ZPLD1: variants seen among roughly 807,000 people sequenced by gnomAD.
ZPLD1 encodes zona pellucida like domain containing 1.
ZPLD1 carries 34 observed loss-of-function variants against 47.2 expected under a neutral mutation model. That is an observed-to-expected ratio of 0.72 (90% CI 0.55 to 0.96). ZPLD1 has a LOEUF of 0.96. Among genes scored for constraint, ZPLD1 ranks in the 40% least tolerant of loss-of-function variants. ZPLD1 has a pLI of 0.00. For missense variants in ZPLD1, 512 were observed against 505.8 expected, an observed-to-expected ratio of 1.01 and a Z score of -0.12; for synonymous variants, 176 against 186.2, an observed-to-expected ratio of 0.95 and a Z score of 0.45.
At chr3:102,432,897 TA>T (rs1559749408), upstream of ZPLD1, among the ~76,000 whole-genome samples, 1 of 152,240 alleles carries the variant, frequency 6.6e-6, no homozygotes, top group Non-Finnish European at 1.5e-5. Flanking sequence ...GGGTTAGTTA[TA>T]TATCTCTGAC....
upstream of ZPLD1, among the ~76,000 whole-genome samples, chr3:102,433,148 C>T (rs1468402386): frequency 1.1e-4 from 17 of 152,166 alleles, no homozygotes; most frequent in Admixed American, 1.1e-3. Flanking sequence ...CACATATAAA[C>T]ATTCAATAAT....
Position 102,388,015 on chromosome 3 carries a change from C to A in ZPLD1, c.-213+2698C>A, listed in dbSNP as rs540404408. On this transcript the variant is annotated intron_variant, in intron 6 of 17. Transcript: ENST00000491959. The stretch of plus-strand genomic sequence containing the variant: ...AGCTGGAACTACAGGCGCCCGCCAC[C>A]ACGCCCAGCTAATTTTTTGTATTTT... Among the ~76,000 whole-genome samples the A allele has an allele frequency of 2.0e-5, 3 of 152,150 alleles. No homozygotes were observed. The South Asian group carries it at 6.2e-4, about 32-fold the overall frequency.
At chr3:102,472,860 C>T (rs1373125643) in intron 10 of ZPLD1, among the ~76,000 whole-genome samples, 2 of 152,274 alleles carry the variant, frequency 1.3e-5, no homozygotes, top group Non-Finnish European at 2.9e-5. Flanking sequence ...AATTTTTTAG[C>T]TGTATTCCTC....
chr3:102,427,593 A>T (rs1706963621), intron 8 of ZPLD1, among the ~76,000 whole-genome samples: 1 of 152,206 alleles, frequency 6.6e-6, no homozygotes, highest in South Asian at 2.1e-4. Flanking sequence ...TTAAAACATC[A>T]CAGTTTCATA....
upstream of ZPLD1, among the ~76,000 whole-genome samples, chr3:102,434,173 T>TTAAACA (rs1172260038): frequency 6.6e-6 from 1 of 152,190 alleles, no homozygotes; most frequent in African/African-American, 2.4e-5. Context: ...ATCTATGTAA[T>TTAAACA]TAGTTGAATA....
At chr3:102,424,397 T>C (rs2107308905) in intron 8 of ZPLD1, among the ~76,000 whole-genome samples, 1 of 152,278 alleles carries the variant, frequency 6.6e-6, no homozygotes, top group South Asian at 2.1e-4. Flanking sequence ...TACCATACTA[T>C]ATATTTATAA....
upstream of ZPLD1, among the ~76,000 whole-genome samples, chr3:102,433,751 G>C (rs546935784): frequency 6.6e-6 from 1 of 152,124 alleles, no homozygotes; most frequent in African/African-American, 2.4e-5. Flanking sequence ...GGATGGTCTC[G>C]ATCTCCTGAC....
At chr3:102,457,504 C>G (rs1576159418) in intron 5 of ZPLD1, among the ~76,000 whole-genome samples, 1 of 152,228 alleles carries the variant, frequency 6.6e-6, no homozygotes, top group Non-Finnish European at 1.5e-5. Flanking sequence ...TAGATTCAAG[C>G]CCTTATCTGC....
rs1707787250 is a variant in ZPLD1 at position 102,478,211 on chromosome 3, G to C, written c.*593G>C. ...CTTGGGACATATCTCTTAACCTGGG[G>C]CACCCTTTTGTGTAGAAGATAGTGA... On this transcript the variant is annotated 3_prime_UTR_variant, in exon 12 of 12. Transcript: ENST00000466937. 6.6e-6 allele frequency: 1 copy of C among 152,104 alleles called. No homozygotes were observed. The highest frequency in any genetic ancestry group is 6.6e-5 in the Admixed American group (1 of 15,250). 9.4% of individuals were successfully genotyped at this position (152,104 alleles called of 1,614,324 possible).
In ZPLD1 at chr3:102,469,009, C is replaced by A; in HGVS notation, c.807C>A (p.Ser269Arg). The part of the protein sequence containing the change: ...PQTTVIENGR[S>R]QRGRFSFEVF... ...CCACCGTCATTGAGAATGGCCGAAG[C>A]CAGCGGGGCCGGTTTTCTTTTGAAG... The change falls in exon 9 of 12, where the codon AGC becomes AGA. Residue 269 changes from serine to arginine, a missense_variant. Coordinates refer to ENST00000466937, the MANE Select transcript of ZPLD1 (RefSeq NM_001329788.2). 1 of 1,614,000 alleles carries A rather than the reference C, an allele frequency of 6.2e-7. No homozygotes were observed. The highest frequency in any genetic ancestry group is 8.5e-7 in the Non-Finnish European group (1 of 1,179,972).
chr3:102,410,325 A>G (rs1706735694), intron 7 of ZPLD1, among the ~76,000 whole-genome samples: 2 of 151,874 alleles, frequency 1.3e-5, no homozygotes, highest in South Asian at 2.1e-4. Context: ...CAGAATCAGT[A>G]TGGGGCAAAC....
intron 7 of ZPLD1, among the ~76,000 whole-genome samples, chr3:102,392,510 T>TCC: frequency 6.6e-6 from 1 of 150,432 alleles, no homozygotes; most frequent in Non-Finnish European, 1.5e-5. Flanking sequence ...CTTCCTTTCT[T>TCC]TCTTCCTTCC....
chr3:102,413,757 C>A (rs1410713924), intron 7 of ZPLD1, among the ~76,000 whole-genome samples: 1 of 151,584 alleles, frequency 6.6e-6, no homozygotes, highest in Non-Finnish European at 1.5e-5. Flanking sequence ...TGTCAGACTT[C>A]TAGATAAGGT....
chr3:102,389,440 A>T (rs1706471691), intron 6 of ZPLD1, among the ~76,000 whole-genome samples: 1 of 152,224 alleles, frequency 6.6e-6, no homozygotes, highest in African/African-American at 2.4e-5. Flanking sequence ...AGGTAAAAGT[A>T]TGTATTTGCC....
chr3:102,453,388 T>C (rs1455257119), intron 4 of ZPLD1, among the ~76,000 whole-genome samples: 1 of 152,194 alleles, frequency 6.6e-6, no homozygotes, highest in Non-Finnish European at 1.5e-5. Context: ...CAGCATTATT[T>C]TGTGTGAGTG....
upstream of ZPLD1, among the ~76,000 whole-genome samples, chr3:102,431,126 T>C (rs1707011138): frequency 6.6e-6 from 1 of 152,202 alleles, no homozygotes; most frequent in Non-Finnish European, 1.5e-5. Context: ...CTGTAGATCA[T>C]TTAAATGCTG....
intron 3 of ZPLD1, among the ~76,000 whole-genome samples, chr3:102,447,203 T>C (rs528905270): frequency 6.6e-6 from 1 of 152,114 alleles, no homozygotes; most frequent in African/African-American, 2.4e-5. Flanking sequence ...GTAGCTGGGA[T>C]TACAGACATG....
At chr3:102,420,032 CCA>C (rs1447903769) in intron 8 of ZPLD1, among the ~76,000 whole-genome samples, 1 of 151,566 alleles carries the variant, frequency 6.6e-6, no homozygotes, top group Non-Finnish European at 1.5e-5. Context: ...AACAGCTTTA[CCA>C]AGATATGATA....
Position 102,456,239 on chromosome 3 carries a change from T to G in ZPLD1, c.374T>G (p.Val125Gly), listed in dbSNP as rs972934946. ...AGTGCTTATGGAAATGCAACTTCAG[T>G]GCAAGTAGGAAATATTTCAGGATAT... ...GVSAYGNATS[V>G]QVGNISGYID... The change falls in exon 5 of 12, where the codon GTG becomes GGG. Residue 125 changes from valine (V) to glycine (G), a missense_variant. Val to Gly is a moderately radical substitution (Grantham distance 109). Transcript: ENST00000466937. 2.5e-6 allele frequency: 4 copies of G among 1,613,668 alleles called. No homozygotes were observed. The highest frequency in any genetic ancestry group is 1.7e-5 in the Admixed American group (1 of 59,966).
Sources: allele counts gnomAD v4.1 joint callset (sites outside exome capture counted in the v4.1 genomes callset), GRCh38; gene constraint gnomAD v4.1.1; transcripts MANE v1.5; gene names NCBI Gene and HGNC (gene_info 2026-07-23, HGNC 2026-07-21).